Variants in PRR36 observed in about 807,000 individuals in gnomAD.
PRR36 encodes proline-rich protein 36.
In PRR36, 30 loss-of-function variants were observed where a neutral mutation model predicts 58.6. The observed-to-expected ratio is 0.51, with a 90% CI of 0.38 to 0.69. The LOEUF is 0.69. Ranked by LOEUF, PRR36 falls within the 30% of genes least tolerant of loss-of-function variation. The probability of loss-of-function intolerance (pLI) is 0.00; values close to 1 mark genes in which losing one functional copy is unlikely to be tolerated. For missense variants in PRR36, 1,692 were observed against 1,805.6 expected, an observed-to-expected ratio of 0.94 and a Z score of 1.14; for synonymous variants, 771 against 829.3, an observed-to-expected ratio of 0.93 and a Z score of 1.21.
rs978666565 is a variant in PRR36 at position 7,871,210 on chromosome 19, G to A, written c.2034C>T (p.Pro678=). The A allele has an allele frequency of 6.5e-7, 1 of 1,534,360 alleles. No individual in the cohort carries two copies. The highest frequency in any genetic ancestry group is 2.0e-5 in the Admixed American group (1 of 50,834). The part of the protein sequence containing the change: ...LQTSLSPAVS[P]LSSPLTIHPL... ...GGTGTATGGTCAGGGGTGAGCTTAGGGGTGAGACAGCAGGAGAGAGAGAAG... is the reference window on the plus strand; with the variant it reads ...GGTGTATGGTCAGGGGTGAGCTTAGAGGTGAGACAGCAGGAGAGAGAGAAG... Residue 678 remains proline (P), a synonymous_variant, in exon 5 of 6, where the codon CCC becomes CCT. Coordinates refer to ENST00000618550, the MANE Select transcript of PRR36 (RefSeq NM_001190467.2).
In PRR36 at chr19:7,872,689, G is replaced by A; in HGVS notation, c.555C>T (p.Thr185=). The change falls in exon 5 of 6, where the codon ACC becomes ACT. Residue 185 remains threonine (T), a synonymous_variant. Coordinates refer to ENST00000618550, the MANE Select transcript of PRR36 (RefSeq NM_001190467.2). The surrounding 1 kb of genome is among the most constrained non-coding windows in gnomAD (Gnocchi z 6.1). ...AMARRSRAAG[T]EVGLPRPAPS... ...GAGCTGGCCGGGGGAGCCCCACCTC[G>A]GTGCCCGCAGCCCGGGACCGACGGG... 1 of 1,449,356 alleles carries A rather than the reference G, an allele frequency of 6.9e-7. No individual in the cohort carries two copies. The highest frequency in any genetic ancestry group is 9.0e-7 in the Non-Finnish European group (1 of 1,106,566). The allele number at this position is 1,449,356 out of a possible 1,614,324, so 89.8% of individuals were successfully genotyped here.
In PRR36 at chr19:7,871,526, G is replaced by C. The variant is rs867277311; in HGVS notation, c.1718C>G (p.Thr573Arg). The C allele has an allele frequency of 2.0e-4, 307 of 1,535,642 alleles. No homozygotes were observed. Among genetic ancestry groups the C allele is most frequent in the Middle Eastern group, 1.0e-3 (6 of 5,988 alleles). Residue 573 changes from threonine to arginine, a missense_variant, in exon 5 of 6, where the codon ACG becomes AGG. By Grantham distance (71) the Thr-to-Arg change is moderately conservative. This residue lies in a region of PRR36 where 975 missense variants were observed against 955.2 expected (regional missense o/e 1.02). Coordinates refer to ENST00000618550, the MANE Select transcript of PRR36 (RefSeq NM_001190467.2). ...PHPQAPPSMTTPPMQAPPSLQ... is the reference protein window; with the variant it reads ...PHPQAPPSMTRPPMQAPPSLQ... ...AGAGGGCGGGGCCTGCATAGGGGGC[G>C]TAGTCATAGAAGGTGGGGCCTGTGG... is the stretch of plus-strand genomic sequence containing the variant.
Position 7,872,423 on chromosome 19 carries a change from G to A in PRR36, c.821C>T (p.Pro274Leu). 6.9e-7 allele frequency: 1 copy of A among 1,452,146 alleles called. No individual in the cohort carries two copies. The highest frequency in any genetic ancestry group is 9.0e-7 in the Non-Finnish European group (1 of 1,108,434). The allele number at this position is 1,452,146 out of a possible 1,614,324, so 90.0% of individuals were successfully genotyped here. ...GGGTCGCAGAGCCTGCAGTCCTTTCGGCTTGGGCTGCGAGGGATGCGCAGG... is the reference window on the plus strand; with the variant it reads ...GGGTCGCAGAGCCTGCAGTCCTTTCAGCTTGGGCTGCGAGGGATGCGCAGG... ...RAPAHPSQPKPKGLQALRPPQ... is the reference protein window; with the variant it reads ...RAPAHPSQPKLKGLQALRPPQ... Residue 274 changes from proline to leucine, a missense_variant, in exon 5 of 6, where the codon CCG becomes CTG. By Grantham distance (98) the Pro-to-Leu change is moderately conservative (BLOSUM62 -3). Transcript: ENST00000618550. The surrounding 1 kb of genome is among the most constrained non-coding windows in gnomAD (Gnocchi z 6.1).
Position 7,872,823 on chromosome 19 carries a change from A to T in PRR36, c.487+26T>A. The T allele has an allele frequency of 6.5e-7, 1 of 1,532,402 alleles. No individual in the cohort carries two copies. The highest frequency in any genetic ancestry group is 8.7e-7 in the Non-Finnish European group (1 of 1,145,134). 94.9% of individuals were successfully genotyped at this position (1,532,402 alleles called of 1,614,324 possible). ...AGGCGGCTCCCCTTGCTGCCCAGGA[A>T]CCCCACTCTTCTCCAGGTCACGTAC... On this transcript the variant is annotated intron_variant, in intron 4 of 5. Coordinates refer to ENST00000618550, the MANE Select transcript of PRR36 (RefSeq NM_001190467.2). This position sits in a 1 kb window ranked among gnomAD's most constrained non-coding sequence, Gnocchi z 6.1.
Position 7,873,451 on chromosome 19 carries a change from G to A in PRR36, c.239C>T (p.Thr80Met), listed in dbSNP as rs1395750947. The change falls in exon 2 of 6, where the codon ACG (threonine) becomes ATG (methionine). Residue 80 changes from threonine to methionine, a missense_variant. Around this residue, in one of 5 missense-constraint regions of PRR36, gnomAD observed 975 missense variants for 955.2 expected, o/e 1.02. Coordinates refer to ENST00000618550, the MANE Select transcript of PRR36 (RefSeq NM_001190467.2). The surrounding 1 kb of genome is among the most constrained non-coding windows in gnomAD (Gnocchi z 5.0). The stretch of plus-strand genomic sequence containing the variant: ...TCGGGAACTTGTCCCAGCACTCCGC[G>A]TTGGTCCCGCTCGGGGAGCAGACTC... The part of the protein sequence containing the change: ...IPESAPRAGP[T>M]RSAGTSSRNP... 3.3e-6 allele frequency: 5 copies of A among 1,534,718 alleles called. No individual in the cohort carries two copies. Among genetic ancestry groups the A allele is most frequent in the Non-Finnish European group, 4.4e-6 (5 of 1,146,314 alleles).
chr19:7,869,917 G>C lies in PRR36; in HGVS notation c.3327C>G (p.Ser1109Arg). The C allele has an allele frequency of 7.3e-7, 1 of 1,366,002 alleles. No individual in the cohort carries two copies. The highest frequency in any genetic ancestry group is 9.4e-7 in the Non-Finnish European group (1 of 1,066,832). 84.6% of individuals were successfully genotyped at this position (1,366,002 alleles called of 1,614,324 possible). The change falls in exon 5 of 6, where the codon AGC (serine) becomes AGG (arginine). Residue 1109 changes from serine (S) to arginine (R), a missense_variant. By Grantham distance (110) the Ser-to-Arg change is moderately radical. Transcript: ENST00000618550. Reference sequence around the variant, plus strand: ...CTGGGCCGCTCAGCGTGCTGGACGGGCTGCGCGAGGGCGGCGGCGGCGGGC... The same window carrying C: ...CTGGGCCGCTCAGCGTGCTGGACGGCCTGCGCGAGGGCGGCGGCGGCGGGC... Reference protein sequence around the residue: ...APGPPPPPSRSPSSTLSGPDL... With the variant: ...APGPPPPPSRRPSSTLSGPDL...
At position 7,873,436 on chromosome 19, in the gene PRR36, G is replaced by A; in HGVS notation, c.254C>T (p.Thr85Ile). ...TGGGGTACCAGGGTTTCGGGAACTT[G>A]TCCCAGCACTCCGCGTTGGTCCCGC... Reference protein sequence around the residue: ...PRAGPTRSAGTSSRNPASRPP... With the variant: ...PRAGPTRSAGISSRNPASRPP... Residue 85 changes from threonine to isoleucine, a missense_variant, in exon 2 of 6, where the codon ACA (threonine) becomes ATA (isoleucine). Coordinates refer to ENST00000618550, the MANE Select transcript of PRR36 (RefSeq NM_001190467.2). The surrounding 1 kb of genome is among the most constrained non-coding windows in gnomAD (Gnocchi z 5.0). The A allele has an allele frequency of 6.5e-7, 1 of 1,533,394 alleles. No homozygotes were observed. 95.0% of individuals were successfully genotyped at this position (1,533,394 alleles called of 1,614,324 possible).
In PRR36 at chr19:7,869,129, G is replaced by A. The variant is rs1193266185; in HGVS notation, c.3945C>T (p.Ser1315=). Residue 1315 remains serine (S), a synonymous_variant, in exon 6 of 6, where the codon TCC becomes TCT. Coordinates refer to ENST00000618550, the MANE Select transcript of PRR36 (RefSeq NM_001190467.2). The part of the protein sequence containing the change: ...WAELLSPLDE[S]RASITSVTSF... ...TGGTGACCGAGGTGATGCTGGCACG[G>A]GACTCGTCCAGGGGAGACAGTAGTT... The A allele has an allele frequency of 1.3e-6, 2 of 1,535,208 alleles. No individual in the cohort carries two copies. The highest frequency in any genetic ancestry group is 2.7e-5 in the African/African-American group (2 of 72,996).
In PRR36 at chr19:7,871,384, G is replaced by A; in HGVS notation, c.1860C>T (p.Pro620=). The A allele has an allele frequency of 2.0e-6, 3 of 1,535,728 alleles. No homozygotes were observed. The highest frequency in any genetic ancestry group is 2.6e-6 in the Non-Finnish European group (3 of 1,146,808). The stretch of plus-strand genomic sequence containing the variant: ...GGAAAGAATGTGTGGCCTGCAGAGT[G>A]GGTGAGCCCAAAGAAGTTGTGGCCT... ...SLQATTSLGS[P]TLQATHSFLT... The change falls in exon 5 of 6, where the codon CCC becomes CCT. Residue 620 remains proline (P), a synonymous_variant. Transcript: ENST00000618550.
Position 7,869,234 on chromosome 19 carries a change from G to A in PRR36, c.3840C>T (p.Gly1280=). ...AEGAAGGSGG[G]PGGAEGGGVT... Reference sequence around the variant, plus strand: ...CGCCACCACCCTCCGCACCTCCTGGGCCCCCGCCGCTGCCGCCCGCGGCAC... The same window carrying A: ...CGCCACCACCCTCCGCACCTCCTGGACCCCCGCCGCTGCCGCCCGCGGCAC... The change falls in exon 6 of 6, where the codon GGC becomes GGT. Residue 1280 remains glycine (G), a synonymous_variant. Transcript: ENST00000618550. 1 of 1,486,796 alleles carries A rather than the reference G, an allele frequency of 6.7e-7. No homozygotes were observed. The highest frequency in any genetic ancestry group is 8.9e-7 in the Non-Finnish European group (1 of 1,126,392). 92.1% of individuals were successfully genotyped at this position (1,486,796 alleles called of 1,614,324 possible).
In PRR36 at chr19:7,868,855, C is replaced by T. The variant is rs1980225099; in HGVS notation, c.*178G>A. On this transcript the variant is annotated 3_prime_UTR_variant, in exon 6 of 6. Transcript: ENST00000618550. ...CGGAGCTCGAGGGGCGGGCCTAGGT[C>T]AAAGCTGTGGGTAGGTCCCGAGCCT... 4.4e-6 allele frequency: 3 copies of T among 688,114 alleles called. No individual in the cohort carries two copies. The highest frequency in any genetic ancestry group is 6.7e-6 in the Non-Finnish European group (3 of 445,356). 42.6% of individuals were successfully genotyped at this position (688,114 alleles called of 1,614,324 possible). A position where few individuals can be genotyped will look rare whatever the true frequency, so the allele number is the denominator to read the frequency against.
In PRR36 at chr19:7,873,816, GGCCTCGGC is replaced by G; in HGVS notation, c.-7-128_-7-121del. On this transcript the variant is annotated intron_variant, in intron 1 of 5. Transcript: ENST00000618550. The surrounding 1 kb of genome is among the most constrained non-coding windows in gnomAD (Gnocchi z 5.0). ...CGCCACCCATGGACACTCAAACCTCGGCCTCGGCTTCCATCCGCTCGGCTCCCACGCAC... is the reference window on the plus strand; with the variant it reads ...CGCCACCCATGGACACTCAAACCTCGTTCCATCCGCTCGGCTCCCACGCAC... The G allele has an allele frequency of 9.7e-7, 1 of 1,028,374 alleles. No individual in the cohort carries two copies. Among genetic ancestry groups the G allele is most frequent in the Non-Finnish European group, 1.4e-6 (1 of 725,786 alleles). 63.7% of individuals were successfully genotyped at this position (1,028,374 alleles called of 1,614,324 possible).
rs1980257669 is a variant in PRR36, at chr19:7,869,335, G to C, written c.3739C>G (p.Leu1247Val). 7.0e-7 allele frequency: 1 copy of C among 1,426,650 alleles called. No individual in the cohort carries two copies. The highest frequency in any genetic ancestry group is 3.1e-5 in the Admixed American group (1 of 32,694). 88.4% of individuals were successfully genotyped at this position (1,426,650 alleles called of 1,614,324 possible). Residue 1247 changes from leucine (L) to valine (V), a missense_variant, in exon 6 of 6, where the codon CTG becomes GTG. Physicochemically the swap from Leu to Val is conservative, Grantham distance 32. This residue lies in a region of PRR36 where 485 missense variants were observed against 549.2 expected (regional missense o/e 0.88). Transcript: ENST00000618550. ...CTCGCCTGCAGCGCCCCCAGTGGCAGCTCGCCCAGGCGCGCCTGCTTCGGG... is the reference window on the plus strand; with the variant it reads ...CTCGCCTGCAGCGCCCCCAGTGGCACCTCGCCCAGGCGCGCCTGCTTCGGG... ...RSPKQARLGE[L>V]PLGALQASVV...
rs776633811 is a variant in PRR36, at chr19:7,871,827, A to T, written c.1417T>A (p.Ser473Thr). The T allele has an allele frequency of 1.8e-5, 27 of 1,535,580 alleles. No homozygotes were observed. In the South Asian group the frequency reaches 3.0e-4, roughly 17 times the overall value. ...PLQGPVSPAT[S>T]LGNSAFPLAA... ...AGGGGAAAAGCCGAATTCCCCAGAGATGTTGCCGGAGAAACAGGGCCTTGT... is the reference window on the plus strand; with the variant it reads ...AGGGGAAAAGCCGAATTCCCCAGAGTTGTTGCCGGAGAAACAGGGCCTTGT... The change falls in exon 5 of 6, where the codon TCT becomes ACT. Residue 473 changes from serine to threonine, a missense_variant. Ser to Thr is a moderately conservative substitution (Grantham distance 58). This residue lies in a region of PRR36 where 975 missense variants were observed against 955.2 expected (regional missense o/e 1.02). Transcript: ENST00000618550.
rs1341564138 is a variant in PRR36, at chr19:7,872,119, A to G, written c.1125T>C (p.Pro375=). 2.1e-5 allele frequency: 32 copies of G among 1,520,092 alleles called. No individual in the cohort carries two copies. The highest frequency in any genetic ancestry group is 2.7e-5 in the Non-Finnish European group (31 of 1,139,860). The allele number at this position is 1,520,092 out of a possible 1,614,324, so 94.2% of individuals were successfully genotyped here. ...GCAGAGAAGGTGGAGCAGAGGGAGAAGGAGGGGCTAGAGGAAGGGGCGTGG... is the reference window on the plus strand; with the variant it reads ...GCAGAGAAGGTGGAGCAGAGGGAGAGGGAGGGGCTAGAGGAAGGGGCGTGG... ...QLATPLPLAP[P]SPSAPPSLQT... The change falls in exon 5 of 6, where the codon CCT becomes CCC. Residue 375 remains proline (P), a synonymous_variant. Transcript: ENST00000618550. The surrounding 1 kb of genome is among the most constrained non-coding windows in gnomAD (Gnocchi z 6.1).
Position 7,872,946 on chromosome 19 carries a change from G to C in PRR36, c.390C>G (p.Gly130=), listed in dbSNP as rs565851094. 921 of 1,535,996 alleles carry C rather than the reference G, an allele frequency of 6.0e-4. 5 individuals carry two copies. The highest frequency in any genetic ancestry group is 8.4e-4 in the Middle Eastern group (5 of 5,988). Residue 130 remains glycine (G), a synonymous_variant, in exon 4 of 6, where the codon GGC becomes GGG. Coordinates refer to ENST00000618550, the MANE Select transcript of PRR36 (RefSeq NM_001190467.2). The surrounding 1 kb of genome is among the most constrained non-coding windows in gnomAD (Gnocchi z 6.1). ...CCGCTGAGATCCGGAGTCCCTTCTG[G>C]CCAAGAGGGCCTGGCCTGGAGACAG... ...ASGTTRPGPL[G]QKGLRISAEE...
chr19:7,871,645 G>A lies in PRR36; in HGVS notation c.1599C>T (p.Ala533=), dbSNP rs756425479. 6.5e-7 allele frequency: 1 copy of A among 1,535,796 alleles called. No homozygotes were observed. The highest frequency in any genetic ancestry group is 1.2e-5 in the South Asian group (1 of 84,040). ...SPLLATLPLQ[A]SPSPLTTVSL... ...AGACTGTGGTCAAAGGAGAGGGAGAGGCCTGCAGAGGCAATGTGGCCAGAA... is the reference window on the plus strand; with the variant it reads ...AGACTGTGGTCAAAGGAGAGGGAGAAGCCTGCAGAGGCAATGTGGCCAGAA... The change falls in exon 5 of 6, where the codon GCC becomes GCT. Residue 533 remains alanine, a synonymous_variant. Coordinates refer to ENST00000618550, the MANE Select transcript of PRR36 (RefSeq NM_001190467.2).
At position 7,871,376 on chromosome 19, in the gene PRR36, T is replaced by G. The variant is rs971068308; in HGVS notation, c.1868A>C (p.Gln623Pro). Residue 623 changes from glutamine to proline, a missense_variant, in exon 5 of 6, where the codon CAG becomes CCG. Gln to Pro is a moderately conservative substitution (Grantham distance 76). Transcript: ENST00000618550. ...ATTSLGSPTL[Q>P]ATHSFLTMSP... ...CATTGTCAGGAAAGAATGTGTGGCC[T>G]GCAGAGTGGGTGAGCCCAAAGAAGT... is the stretch of plus-strand genomic sequence containing the variant. 6.5e-6 allele frequency: 10 copies of G among 1,535,230 alleles called. No homozygotes were observed. In the Admixed American group the frequency reaches 1.8e-4, roughly 27 times the overall value.
rs1270512259 is a variant in PRR36, at chr19:7,870,234, C to G, written c.3010G>C (p.Ala1004Pro). ...GGTGGGGCCTGTGGAGGGGGCTTAGCCAAAGGAGACATTGGGAGTGAGGCA... is the reference window on the plus strand; with the variant it reads ...GGTGGGGCCTGTGGAGGGGGCTTAGGCAAAGGAGACATTGGGAGTGAGGCA... ...PPASLPMSPL[A>P]KPPPQAPPAL... is the part of the protein sequence containing the mutation. The change falls in exon 5 of 6, where the codon GCT becomes CCT. Residue 1004 changes from alanine (A) to proline (P), a missense_variant. Coordinates refer to ENST00000618550, the MANE Select transcript of PRR36 (RefSeq NM_001190467.2). The G allele has an allele frequency of 4.0e-5, 54 of 1,351,854 alleles. No homozygotes were observed. Among genetic ancestry groups the G allele is most frequent in the Admixed American group, 7.2e-5 (2 of 27,856 alleles). 83.7% of individuals were successfully genotyped at this position (1,351,854 alleles called of 1,614,324 possible). A position where few individuals can be genotyped will look rare whatever the true frequency, so the allele number is the denominator to read the frequency against.
Sources: gnomAD v4.1 joint callset for allele counts on GRCh38, gnomAD v4.1.1 for gene constraint, gnomAD v4.1.1 regional missense constraint, Gnocchi (gnomAD v3.1) non-coding constraint, MANE v1.5 for transcripts, NCBI Gene and HGNC (gene_info 2026-07-23, HGNC 2026-07-21) for gene names.